TIMM44: variants seen among roughly 807,000 people sequenced by gnomAD.
TIMM44 encodes the protein mitochondrial import inner membrane translocase subunit TIM44.
In TIMM44, 37 loss-of-function variants were observed where a neutral mutation model predicts 63.8. That is an observed-to-expected ratio of 0.58 (90% confidence interval 0.45 to 0.76). TIMM44 has a LOEUF of 0.76. Ranked by LOEUF, TIMM44 falls within the 30% of genes least tolerant of loss-of-function variation. The pLI, the probability that TIMM44 is intolerant of heterozygous loss-of-function variation, is 0.00. For missense variants in TIMM44, 573 were observed against 603.8 expected (o/e 0.95, Z 0.54); for synonymous variants, 239 against 245.1 (o/e 0.98, Z 0.23).
rs945079368 is a variant in TIMM44, at chr19:7,932,639, G to A, written c.975C>T (p.Pro325=). The change falls in exon 9 of 13, where the codon CCC becomes CCT. Residue 325 remains proline, a synonymous_variant. Transcript: ENST00000270538. ...FLKQCENDII[P]NVLEAMISGE... ...GTGTGGCACCCACCTCCAGGACATT[G>A]GGGATGATGTCGTTCTCGCACTGTT... 5.0e-6 allele frequency: 8 copies of A among 1,613,654 alleles called. No homozygotes were observed. The highest frequency in any genetic ancestry group is 5.9e-6 in the Non-Finnish European group (7 of 1,180,034).
Position 7,933,630 on chromosome 19 carries a change from T to C in TIMM44, c.684-60A>G. On this transcript the variant is annotated intron_variant, in intron 6 of 12. Transcript: ENST00000270538. The surrounding 1 kb of genome is among the most constrained non-coding windows in gnomAD (Gnocchi z 4.3). The stretch of plus-strand genomic sequence containing the variant: ...GCGCCAGGGCCACCCTGTGCCCTCC[T>C]GCGGCTGCAGGCAGGGGGCAGTACA... 1 of 1,488,476 alleles carries C rather than the reference T, an allele frequency of 6.7e-7. No individual in the cohort carries two copies. Among genetic ancestry groups the C allele is most frequent in the East Asian group, 2.3e-5 (1 of 44,238 alleles). The allele number at this position is 1,488,476 out of a possible 1,614,324, so 92.2% of individuals were successfully genotyped here.
chr19:7,927,331 C>T (rs761246311), intron 12 of TIMM44, 25 bp from the exon 13 acceptor site: 12 of 1,606,966 alleles, frequency 7.5e-6, no homozygotes, highest in Middle Eastern at 2.2e-4. Flanking sequence ...GGGAAGGGCA[C>T]TGTTGAGAGG....
Position 7,933,704 on chromosome 19 carries a change from C to T in TIMM44, c.684-134G>A. On this transcript the variant is annotated intron_variant, in intron 6 of 12. Transcript: ENST00000270538. This position sits in a 1 kb window ranked among gnomAD's most constrained non-coding sequence, Gnocchi z 4.3. Reference sequence around the variant, plus strand: ...AAACCTAGGGGCTCTGAGGACCCCGCCCTCACCTCTCACCCTCAAATTCGA... The same window carrying T: ...AAACCTAGGGGCTCTGAGGACCCCGTCCTCACCTCTCACCCTCAAATTCGA... 7.6e-7 allele frequency: 1 copy of T among 1,310,202 alleles called. No individual in the cohort carries two copies. The highest frequency in any genetic ancestry group is 1.1e-6 in the Non-Finnish European group (1 of 913,500). The allele number at this position is 1,310,202 out of a possible 1,614,324, so 81.2% of individuals were successfully genotyped here. A position where few individuals can be genotyped will look rare whatever the true frequency, so the allele number is the denominator to read the frequency against.
intron 10 of TIMM44, chr19:7,928,370 A>G: frequency 1.7e-6 from 1 of 586,434 alleles, no homozygotes; most frequent in Non-Finnish European, 3.0e-6. Context: ...TGGGAACAAC[A>G]CTCTATCCAG....
At position 7,926,757 on chromosome 19, in the gene TIMM44, C is replaced by A; in HGVS notation, c.*430G>T. 4.1e-6 allele frequency: 1 copy of A among 242,828 alleles called. No individual in the cohort carries two copies. The highest frequency in any genetic ancestry group is 8.3e-6 in the Non-Finnish European group (1 of 120,102). 15.0% of individuals were successfully genotyped at this position (242,828 alleles called of 1,614,324 possible). A position where few individuals can be genotyped will look rare whatever the true frequency, so the allele number is the denominator to read the frequency against. ...TCGGTGTTTTATTCTTTCCAAATCTCAGGCTTATGCACAAGATGGAAGAGC... is the reference window on the plus strand; with the variant it reads ...TCGGTGTTTTATTCTTTCCAAATCTAAGGCTTATGCACAAGATGGAAGAGC... On this transcript the variant is annotated 3_prime_UTR_variant, in exon 13 of 13. Transcript: ENST00000270538.
At position 7,943,630 on chromosome 19, in the gene TIMM44, T is replaced by C. The variant is rs764520473; in HGVS notation, c.22A>G (p.Ser8Gly). The C allele has an allele frequency of 4.5e-6, 7 of 1,570,718 alleles. No homozygotes were observed. The highest frequency in any genetic ancestry group is 2.7e-5 in the African/African-American group (2 of 74,030). The stretch of plus-strand genomic sequence containing the variant: ...ACCCGTGGACAGCGGCACCAGCCAC[T>C]CCGCAGGGCCGCCGCCGCCATGTTG... The part of the protein sequence containing the change: MAAAALR[S>G]GWCRCPRRCL... The change falls in exon 1 of 13, where the codon AGT becomes GGT. Residue 8 changes from serine to glycine, a missense_variant. Physicochemically the swap from Ser to Gly is moderately conservative, Grantham distance 56 (BLOSUM62 0). Coordinates refer to ENST00000270538, the MANE Select transcript of TIMM44 (RefSeq NM_006351.4). The surrounding 1 kb of genome is among the most constrained non-coding windows in gnomAD (Gnocchi z 4.3).
intron 11 of TIMM44, 85 bp from the exon 12 acceptor site, chr19:7,927,852 G>A (rs762811664): frequency 2.3e-5 from 32 of 1,395,120 alleles, no homozygotes; most frequent in Non-Finnish European, 3.1e-5. Flanking sequence ...CCTAGGCCCT[G>A]CTAGGAGAAG....
At chr19:7,942,302 G>C (rs1052911083) in intron 1 of TIMM44, among the ~76,000 whole-genome samples, 1 of 152,094 alleles carries the variant, frequency 6.6e-6, no homozygotes, top group Non-Finnish European at 1.5e-5. Flanking sequence ...CTTAAGTTCT[G>C]TGCAGGCACT....
Position 7,939,894 on chromosome 19 carries a change from A to T in TIMM44, c.141+1208T>A, listed in dbSNP as rs554142283. On this transcript the variant is annotated intron_variant, in intron 2 of 12. Coordinates refer to ENST00000270538, the MANE Select transcript of TIMM44 (RefSeq NM_006351.4). ...GCCCCTGCACTCCAGCCTGGGCGAC[A>T]GAGTGAGACTCTGTTTCAAAAAAAC... Among the ~76,000 whole-genome samples, 226 of 151,974 alleles carry T rather than the reference A, an allele frequency of 1.5e-3. 1 individual carries two copies. Among genetic ancestry groups the T allele is most frequent in the African/African-American group, 5.4e-3 (222 of 41,332 alleles).
intron 1 of TIMM44, 114 bp from the exon 2 acceptor site, chr19:7,941,311 T>G (rs1984304378): frequency 3.6e-6 from 3 of 822,934 alleles, no homozygotes; most frequent in Admixed American, 2.0e-5. Flanking sequence ...ATTTTTTTTT[T>G]TTTTTTGAGA....
chr19:7,928,226 A>T (rs1983873877), intron 10 of TIMM44, 60 bp from the exon 11 acceptor site: 1 of 1,429,362 alleles, frequency 7.0e-7, no homozygotes, highest in Non-Finnish European at 9.7e-7. Context: ...CACGCCACAC[A>T]GAGCTGCTGC....
rs56385701 is a variant in TIMM44 at position 7,934,487 on chromosome 19, G to A, written c.394-249C>T. The stretch of plus-strand genomic sequence containing the variant: ...GCACCCCCAGAGCCATGAGCACACC[G>A]GCACCCCCAGAGCCATGAGCACACC... On this transcript the variant is annotated intron_variant, in intron 4 of 12. Coordinates refer to ENST00000270538, the MANE Select transcript of TIMM44 (RefSeq NM_006351.4). This position sits in a 1 kb window ranked among gnomAD's most constrained non-coding sequence, Gnocchi z 5.3. Among the ~76,000 whole-genome samples the A allele has an allele frequency of 0.075, 10,805 of 143,820 alleles. 556 individuals are homozygous for A. The highest frequency in any genetic ancestry group is 0.15 in the African/African-American group (5,446 of 37,552). 94.4% of individuals were successfully genotyped at this position (143,820 alleles called of 152,430 possible).
intron 2 of TIMM44, among the ~76,000 whole-genome samples, chr19:7,939,837 C>G (rs1367212659): frequency 6.6e-6 from 1 of 151,938 alleles, no homozygotes; most frequent in Admixed American, 6.6e-5. Flanking sequence ...TGCTTGAACT[C>G]GGGAGGTGGA....
intron 3 of TIMM44, 34 bp downstream of exon 3, chr19:7,937,993 G>C: frequency 1.2e-6 from 2 of 1,613,086 alleles, no homozygotes; most frequent in Non-Finnish European, 1.7e-6. Flanking sequence ...TCTCCAGCCT[G>C]GGTGAGGGAA....
chr19:7,943,659 A>G lies in TIMM44; in HGVS notation c.-8T>C. On this transcript the variant is annotated 5_prime_UTR_variant, in exon 1 of 13. Coordinates refer to ENST00000270538, the MANE Select transcript of TIMM44 (RefSeq NM_006351.4). The surrounding 1 kb of genome is among the most constrained non-coding windows in gnomAD (Gnocchi z 4.3). ...CAGGGCCGCCGCCGCCATGTTGGAG[A>G]ATCGTGTGACCTTCTCGCGGCGCGG... 1.3e-6 allele frequency: 2 copies of G among 1,561,768 alleles called. No homozygotes were observed. The highest frequency in any genetic ancestry group is 1.7e-6 in the Non-Finnish European group (2 of 1,160,668).
chr19:7,929,560 C>T (rs1983919670), intron 10 of TIMM44, among the ~76,000 whole-genome samples: 2 of 152,144 alleles, frequency 1.3e-5, no homozygotes, highest in South Asian at 4.1e-4. Context: ...CCCTCTGGCC[C>T]GGGGCCAGCA....
At chr19:7,935,395 C>T in intron 3 of TIMM44, 1 of 494,760 alleles carries the variant, frequency 2.0e-6, no homozygotes, top group Non-Finnish European at 3.7e-6. Context: ...AAACTTCTGA[C>T]CTCAAGTGAT....
intron 3 of TIMM44, among the ~76,000 whole-genome samples, chr19:7,937,634 GCCC>G (rs918549927): frequency 2.0e-5 from 3 of 152,154 alleles, no homozygotes; most frequent in African/African-American, 4.8e-5. Context: ...GAGCCACCCT[GCCC>G]CCAACCGTCC....
chr19:7,930,497 G>C (rs1427932948), intron 10 of TIMM44, among the ~76,000 whole-genome samples: 1 of 151,804 alleles, frequency 6.6e-6, no homozygotes, highest in Non-Finnish European at 1.5e-5. Flanking sequence ...AGTAGAGATG[G>C]GGTTTCACCA....
Sources: allele counts gnomAD v4.1 joint callset (sites outside exome capture counted in the v4.1 genomes callset), GRCh38; gene constraint gnomAD v4.1.1; non-coding constraint Gnocchi (gnomAD v3.1); transcripts MANE v1.5; gene names NCBI Gene and HGNC (gene_info 2026-07-23, HGNC 2026-07-21).